The following VWA8 variants were observed in gnomAD, a reference collection of about 807,000 sequenced individuals.
VWA8 encodes the protein von Willebrand factor A domain-containing protein 8.
VWA8 carries 221 observed loss-of-function variants against 241.5 expected under a neutral mutation model. The observed-to-expected ratio is 0.91, with a 90% CI of 0.82 to 1.02. VWA8 has a LOEUF of 1.02. Among genes scored for constraint, VWA8 ranks in the 50% least tolerant of loss-of-function variants. The pLI is 0.00. For missense variants in VWA8, 2,322 were observed against 2,328.7 expected, an observed-to-expected ratio of 1.00 and a Z score of 0.06; for synonymous variants, 852 against 827.1, an observed-to-expected ratio of 1.03 and a Z score of -0.52.
At chr13:41,628,750 AGGGG>A (rs1444487490) in intron 37 of VWA8, among the ~76,000 whole-genome samples, 4 of 152,342 alleles carry the variant, frequency 2.6e-5, no homozygotes, top group South Asian at 2.1e-4. Flanking sequence ...GGCATAAAAA[AGGGG>A]ACAACAGGCC....
chr13:41,778,643 A>C (rs967548356), intron 19 of VWA8, among the ~76,000 whole-genome samples: 36 of 81,810 alleles, frequency 4.4e-4, no homozygotes, highest in Admixed American at 1.7e-3. Flanking sequence ...TAAGTAGGTC[A>C]TGCGGGTTCT....
intron 20 of VWA8, among the ~76,000 whole-genome samples, chr13:41,766,743 C>T (rs2045781462): frequency 6.6e-6 from 1 of 152,150 alleles, no homozygotes; most frequent in Non-Finnish European, 1.5e-5. Flanking sequence ...AGAATGATTT[C>T]CTCCTTTGGG....
chr13:41,582,922 G>A (rs766503920), intron 42 of VWA8, among the ~76,000 whole-genome samples: 7 of 152,106 alleles, frequency 4.6e-5, no homozygotes, highest in South Asian at 4.1e-4. Context: ...TTTCTGCTGC[G>A]TGCACCAATC....
At chr13:41,771,006 T>C (rs377766505) in intron 20 of VWA8, among the ~76,000 whole-genome samples, 1 of 151,902 alleles carries the variant, frequency 6.6e-6, no homozygotes, top group East Asian at 1.9e-4. Context: ...TCATTAAATA[T>C]AAATTAACTT....
At chr13:41,855,700 T>C (rs921236359) in intron 12 of VWA8, among the ~76,000 whole-genome samples, 1 of 152,072 alleles carries the variant, frequency 6.6e-6, no homozygotes, top group Non-Finnish European at 1.5e-5. Context: ...AAGGGAATTG[T>C]TCAAGGTGAT....
intron 29 of VWA8, among the ~76,000 whole-genome samples, chr13:41,697,860 A>C (rs550163049): frequency 5.8e-4 from 89 of 152,154 alleles, no homozygotes; most frequent in African/African-American, 2.0e-3. Context: ...TCCAACCCAC[A>C]GTGTAACCTC....
intron 2 of VWA8, among the ~76,000 whole-genome samples, chr13:41,948,958 T>TA (rs1299320474): frequency 1.5e-5 from 2 of 134,548 alleles, no homozygotes; most frequent in African/African-American, 5.7e-5. Context: ...AAAAAATACA[T>TA]ACACACATAC....
At chr13:41,952,365 C>G (rs982681896) in intron 1 of VWA8, among the ~76,000 whole-genome samples, 1 of 152,130 alleles carries the variant, frequency 6.6e-6, no homozygotes, top group Non-Finnish European at 1.5e-5. Context: ...GCCCTATTTT[C>G]CTTAATGCAG....
chr13:41,845,834 G>A (rs1024868448), intron 12 of VWA8, among the ~76,000 whole-genome samples: 1 of 152,102 alleles, frequency 6.6e-6, no homozygotes, highest in African/African-American at 2.4e-5. Context: ...CTACTGAGTG[G>A]GAGGGAAGAA....
chr13:41,806,548 A>G (rs1406241819), intron 17 of VWA8, among the ~76,000 whole-genome samples: 1 of 152,072 alleles, frequency 6.6e-6, no homozygotes, highest in Non-Finnish European at 1.5e-5. Context: ...CTAAAAATGC[A>G]AAAAATTAGC....
intron 37 of VWA8, among the ~76,000 whole-genome samples, chr13:41,651,054 C>G (rs1342149181): frequency 6.6e-6 from 1 of 151,806 alleles, no homozygotes; most frequent in South Asian, 2.1e-4. Flanking sequence ...AAACAGAAAC[C>G]AAAACAACAT....
In VWA8 at chr13:41,567,039, C is replaced by A. The variant is rs2044265706; in HGVS notation, c.*1158G>T. ...ACTTAAGACCAGTTTTTTCAACTCA[C>A]TGGTGCCCTAACGTTTCTGATTTTG... On this transcript the variant is annotated 3_prime_UTR_variant, in exon 45 of 45. Transcript: ENST00000379310. 1 of 152,116 alleles carries A rather than the reference C, an allele frequency of 6.6e-6. No individual in the cohort carries two copies. Among genetic ancestry groups the A allele is most frequent in the African/African-American group, 2.4e-5 (1 of 41,430 alleles). The allele number at this position is 152,116 out of a possible 1,614,324, so 9.4% of individuals were successfully genotyped here.
intron 37 of VWA8, among the ~76,000 whole-genome samples, chr13:41,657,904 C>G (rs2044920678): frequency 6.6e-6 from 1 of 152,362 alleles, no homozygotes; most frequent in African/African-American, 2.4e-5. Flanking sequence ...GCATAAAGGT[C>G]TTGTCCTAAG....
rs115654510 is a variant in VWA8 at position 41,579,685 on chromosome 13, G to C, written c.5272-3847C>G. ...TATAGTTTGTTACAGTTTACAAAGG[G>C]CTTCCATATATCTCATCTCATTTTG... On this transcript the variant is annotated intron_variant, in intron 42 of 44. Transcript: ENST00000379310. Among the ~76,000 whole-genome samples the C allele has an allele frequency of 9.6e-4, 146 of 152,266 alleles. 1 individual carries two copies. Among genetic ancestry groups the C allele is most frequent in the African/African-American group, 3.5e-3 (144 of 41,556 alleles).
chr13:41,828,286 T>A (rs1020196399), intron 14 of VWA8, among the ~76,000 whole-genome samples: 1 of 152,190 alleles, frequency 6.6e-6, no homozygotes, highest in Non-Finnish European at 1.5e-5. Flanking sequence ...CACTTAATTA[T>A]CTTTTACGGG....
chr13:41,571,693 C>T (rs905481600), intron 43 of VWA8, among the ~76,000 whole-genome samples: 5 of 152,314 alleles, frequency 3.3e-5, no homozygotes, highest in East Asian at 1.9e-4. Context: ...GATCTCGGCT[C>T]GCTGCAACCT....
intron 39 of VWA8, among the ~76,000 whole-genome samples, chr13:41,606,963 T>G (rs1342119248): frequency 6.6e-6 from 1 of 152,198 alleles, no homozygotes; most frequent in Non-Finnish European, 1.5e-5. Context: ...CTTTAATAGA[T>G]AGGCCTGTTG....
chr13:41,934,417 A>T (rs1348805891), intron 2 of VWA8, among the ~76,000 whole-genome samples: 3 of 152,004 alleles, frequency 2.0e-5, no homozygotes, highest in Non-Finnish European at 1.5e-5. Flanking sequence ...GGCATTTCTT[A>T]AAAAGTTAAA....
At chr13:41,704,812 T>C (rs1016686522) in intron 26 of VWA8, among the ~76,000 whole-genome samples, 10 of 152,128 alleles carry the variant, frequency 6.6e-5, no homozygotes, top group Admixed American at 5.2e-4. Context: ...ATAGGAACCA[T>C]TGATTTGTCA....
Sources: allele counts gnomAD v4.1 joint callset (sites outside exome capture counted in the v4.1 genomes callset), GRCh38; gene constraint gnomAD v4.1.1; transcripts MANE v1.5; gene names NCBI Gene and HGNC (gene_info 2026-07-23, HGNC 2026-07-21).